Variants in CSTL1 observed in about 807,000 individuals in gnomAD.
CSTL1 encodes the protein cystatin like 1, also known as cystatin-like 1.
Under a neutral mutation model 14.4 loss-of-function variants are expected in CSTL1, and 14 were observed. The observed-to-expected ratio is 0.97, with a 90% CI of 0.64 to 1.52. The LOEUF (loss-of-function observed/expected upper bound fraction) is 1.52, where lower values mean the gene tolerates loss of function less well. CSTL1 is among the 40% of genes most tolerant of loss of function. The pLI, the probability that CSTL1 is intolerant of heterozygous loss-of-function variation, is 0.00. For missense variants in CSTL1, 170 were observed against 168.7 expected (o/e 1.01, Z -0.04); for synonymous variants, 72 against 67.5 (o/e 1.07, Z -0.33).
the CSTL1 span, chr20:23,451,724 T>G: frequency 1.1e-6 from 1 of 916,108 alleles, no homozygotes; most frequent in Admixed American, 2.1e-5. Context: ...CTTGAGTAAA[T>G]TCCAATTAAT....
Position 23,440,312 on chromosome 20 carries a change from C to T in CSTL1, c.45C>T (p.Ala15=), listed in dbSNP as rs1412893416. 1 of 1,614,040 alleles carries T rather than the reference C, an allele frequency of 6.2e-7. No individual in the cohort carries two copies. The highest frequency in any genetic ancestry group is 8.5e-7 in the Non-Finnish European group (1 of 1,180,036). The change falls in exon 2 of 4, where the codon GCC becomes GCT. Residue 15 remains alanine, a synonymous_variant. Coordinates refer to ENST00000347397, the MANE Select transcript of CSTL1 (RefSeq NM_138283.1). ...CWRNPLLLLI[A]LVLSAKLGHF... ...GAAACCCCCTGCTGCTGCTGATTGCCCTGGTCCTGTCAGCCAAGCTGGGTC... is the reference window on the plus strand; with the variant it reads ...GAAACCCCCTGCTGCTGCTGATTGCTCTGGTCCTGTCAGCCAAGCTGGGTC...
intron 2 of CSTL1, among the ~76,000 whole-genome samples, chr20:23,441,082 T>A (rs1172293781): frequency 6.6e-6 from 1 of 152,180 alleles, no homozygotes; most frequent in Non-Finnish European, 1.5e-5. Flanking sequence ...TGGGAAGAAA[T>A]GCCTTTCATT....
At chr20:23,458,510 C>T in the CSTL1 span, 8 of 152,232 alleles carry the variant, frequency 5.3e-5, no homozygotes, top group African/African-American at 1.9e-4. Context: ...CTGATTCTCG[C>T]TTGCTGTTGT....
Position 23,444,918 on chromosome 20 carries a change from CTG to C in CSTL1, c.*42_*43del, listed in dbSNP as rs1330242935. On this transcript the variant is annotated 3_prime_UTR_variant, in exon 4 of 4. Transcript: ENST00000347397. Reference sequence around the variant, plus strand: ...GAGTTGTGCACTGGCTGTTATTAAACTGTAAAGGATCATGTCTCCCTCATTGG... The same window carrying C: ...GAGTTGTGCACTGGCTGTTATTAAACTAAAGGATCATGTCTCCCTCATTGG... 7.5e-7 allele frequency: 1 copy of C among 1,338,324 alleles called. No homozygotes were observed. The allele number at this position is 1,338,324 out of a possible 1,614,324, so 82.9% of individuals were successfully genotyped here. A position where few individuals can be genotyped will look rare whatever the true frequency, so the allele number is the denominator to read the frequency against.
chr20:23,444,060 C>A lies in CSTL1; in HGVS notation c.330+16C>A, dbSNP rs538567116. On this transcript the variant is annotated intron_variant, in intron 3 of 3. Transcript: ENST00000347397. ...GCTGAGAAAGGTGTGTAGTGGAAGT[C>A]ATCCCAAAGGGACTTGTGAAGTGAA... 2.5e-6 allele frequency: 4 copies of A among 1,592,504 alleles called. No homozygotes were observed. In the South Asian group the frequency reaches 3.3e-5, roughly 13 times the overall value.
the CSTL1 span, chr20:23,452,948 C>A: frequency 1.4e-5 from 9 of 644,346 alleles, no homozygotes; most frequent in South Asian, 1.5e-4. Context: ...TCCTCCTCCT[C>A]CCCCTTCATC....
At chr20:23,443,346 C>T (rs1052432064) in intron 2 of CSTL1, among the ~76,000 whole-genome samples, 4 of 151,976 alleles carry the variant, frequency 2.6e-5, no homozygotes, top group African/African-American at 9.7e-5. Context: ...TCCATTTAGC[C>T]CACATAACAA....
chr20:23,440,554 T>C, intron 2 of CSTL1, 68 bp downstream of exon 2: 1 of 1,225,312 alleles, frequency 8.2e-7, no homozygotes, highest in Non-Finnish European at 1.2e-6. Context: ...GTGAGGATTC[T>C]GGGGTAGCTC....
the CSTL1 span, chr20:23,452,632 A>G: frequency 1.2e-6 from 2 of 1,614,098 alleles, no homozygotes; most frequent in Admixed American, 3.3e-5. Context: ...GGTACTTGTC[A>G]TCACTTTCCT....
downstream of CSTL1, among the ~76,000 whole-genome samples, chr20:23,449,614 C>T (rs1223111155): frequency 6.6e-6 from 1 of 152,104 alleles, no homozygotes; most frequent in Non-Finnish European, 1.5e-5. Flanking sequence ...GGGGTAAGCC[C>T]GGTGACATCA....
chr20:23,450,388 A>G, the CSTL1 span: 1 of 636,772 alleles, frequency 1.6e-6, no homozygotes. Context: ...AAAGAAAAAA[A>G]GTGGAATCAC....
chr20:23,451,903 C>T, the CSTL1 span: 2 of 1,613,772 alleles, frequency 1.2e-6, no homozygotes, highest in Admixed American at 1.7e-5. Flanking sequence ...TCAGGTGATA[C>T]TCCAGGTGGT....
chr20:23,444,173 C>T (rs1005778675), intron 3 of CSTL1, 129 bp downstream of exon 3: 3 of 749,476 alleles, frequency 4.0e-6, no homozygotes, highest in Middle Eastern at 2.4e-4. Flanking sequence ...GGCTGTCTGG[C>T]ACCTCCTGAG....
the CSTL1 span, chr20:23,452,526 G>A: frequency 1.8e-6 from 2 of 1,096,698 alleles, no homozygotes; most frequent in South Asian, 1.2e-5. Context: ...CCTGACACCA[G>A]TGGCCACCCG....
the CSTL1 span, chr20:23,452,809 C>T: frequency 1.2e-6 from 2 of 1,611,670 alleles, no homozygotes; most frequent in Admixed American, 3.3e-5. Context: ...GCTCAGCCAT[C>T]ATCCTTCAGC....
Position 23,440,260 on chromosome 20 carries a change from C to A in CSTL1, c.-8C>A. 6.2e-7 allele frequency: 1 copy of A among 1,613,802 alleles called. No individual in the cohort carries two copies. The highest frequency in any genetic ancestry group is 1.1e-5 in the South Asian group (1 of 91,058). ...GCAGTTGGGAAGAAAGTTTCTGAGG[C>A]TGTAGACATGGGGATCGGATGCTGG... On this transcript the variant is annotated 5_prime_UTR_variant, in exon 2 of 4. It adds an upstream start codon to the 5' untranslated region. Coordinates refer to ENST00000347397, the MANE Select transcript of CSTL1 (RefSeq NM_138283.1).
rs781020112 is a variant in CSTL1, at chr20:23,440,315, G to A, written c.48G>A (p.Leu16=). The stretch of plus-strand genomic sequence containing the variant: ...ACCCCCTGCTGCTGCTGATTGCCCT[G>A]GTCCTGTCAGCCAAGCTGGGTCACT... ...WRNPLLLLIA[L]VLSAKLGHFQ... Residue 16 remains leucine (L), a synonymous_variant, in exon 2 of 4, where the codon CTG becomes CTA. Transcript: ENST00000347397. 1.2e-5 allele frequency: 19 copies of A among 1,614,038 alleles called. No individual in the cohort carries two copies. Among genetic ancestry groups the A allele is most frequent in the East Asian group, 4.5e-5 (2 of 44,896 alleles).
chr20:23,456,578 C>T, the CSTL1 span, among the ~76,000 whole-genome samples: 2,120 of 152,180 alleles, frequency 0.014, 40 homozygotes, highest in African/African-American at 0.047. Flanking sequence ...CAGCCTCCAT[C>T]GCTAGCAGCC....
At chr20:23,455,996 C>A in the CSTL1 span, among the ~76,000 whole-genome samples, 11 of 152,258 alleles carry the variant, frequency 7.2e-5, no homozygotes, top group South Asian at 2.3e-3. Context: ...TCTCCAAGCC[C>A]AAATCTTGAC....
Sources: gnomAD v4.1 joint callset for allele counts (sites outside exome capture counted in the v4.1 genomes callset) on GRCh38, gnomAD v4.1.1 for gene constraint, MANE v1.5 for transcripts, NCBI Gene and HGNC (gene_info 2026-07-23, HGNC 2026-07-21) for gene names.